ANKS6: variants seen among roughly 807,000 people sequenced by gnomAD.
ANKS6 encodes ankyrin repeat and SAM domain-containing protein 6.
A neutral mutation model predicts 77.9 loss-of-function variants in ANKS6; 47 were observed. The ratio of observed to expected loss-of-function variants is 0.60; its 90% CI spans 0.48 to 0.77. ANKS6 has a LOEUF of 0.77. Among genes scored for constraint, ANKS6 ranks in the 30% least tolerant of loss-of-function variants. ANKS6 has a pLI of 0.00. For missense variants in ANKS6, 1,150 were observed against 1,159.1 expected (o/e 0.99, Z 0.11); for synonymous variants, 488 against 501.7 (o/e 0.97, Z 0.37).
chr9:98,793,638 A>G (rs1835020863), intron 1 of ANKS6, among the ~76,000 whole-genome samples: 1 of 151,862 alleles, frequency 6.6e-6, no homozygotes, highest in East Asian at 2.0e-4. Flanking sequence ...CTCCTGCCTC[A>G]GCCTCCCGAG....
chr9:98,790,254 G>A lies in ANKS6; in HGVS notation c.712C>T (p.Leu238Phe). 1 of 1,605,672 alleles carries A rather than the reference G, an allele frequency of 6.2e-7. No homozygotes were observed. Among genetic ancestry groups the A allele is most frequent in the Non-Finnish European group, 8.5e-7 (1 of 1,174,334 alleles). ...TCCACCAGCTGCTGGGCCACTCCAA[G>A]CCGCCCAGTGAGTGCGGCCAGCATC... is the stretch of plus-strand genomic sequence containing the variant. ...PLMLAALTGR[L>F]GVAQQLVEKG... is the part of the protein sequence containing the mutation. The change falls in exon 2 of 15, where the codon CTT (leucine) becomes TTT (phenylalanine). Residue 238 changes from leucine to phenylalanine, a missense_variant. Coordinates refer to ENST00000353234, the MANE Select transcript of ANKS6 (RefSeq NM_173551.5).
At chr9:98,741,257 C>T (rs1384199871) in intron 14 of ANKS6, among the ~76,000 whole-genome samples, 1 of 152,110 alleles carries the variant, frequency 6.6e-6, no homozygotes, top group Non-Finnish European at 1.5e-5. Context: ...TTAAAGAAAG[C>T]AGGATATAAA....
chr9:98,768,683 T>C (rs1183076016), intron 10 of ANKS6, among the ~76,000 whole-genome samples: 1 of 152,160 alleles, frequency 6.6e-6, no homozygotes, highest in African/African-American at 2.4e-5. Flanking sequence ...TCCCTCACCC[T>C]TTGACTCTCC....
chr9:98,796,053 C>T (rs1835155842), intron 1 of ANKS6, 80 bp downstream of exon 1: 2 of 1,239,882 alleles, frequency 1.6e-6, no homozygotes, highest in African/African-American at 1.6e-5. Flanking sequence ...CCTCCCGGGG[C>T]ATCCGGCCGC....
chr9:98,760,568 C>A (rs1469296744), intron 11 of ANKS6, among the ~76,000 whole-genome samples: 1 of 152,204 alleles, frequency 6.6e-6, no homozygotes, highest in Non-Finnish European at 1.5e-5. Context: ...TGGATGAAGA[C>A]CAAATATACA....
intron 12 of ANKS6, among the ~76,000 whole-genome samples, chr9:98,754,841 C>T (rs1052566773): frequency 2.0e-5 from 3 of 152,134 alleles, no homozygotes; most frequent in Non-Finnish European, 4.4e-5. Context: ...CTCTGCAAAC[C>T]ATTTTTAATA....
chr9:98,771,796 C>T (rs1241380428), intron 9 of ANKS6, among the ~76,000 whole-genome samples: 4 of 152,160 alleles, frequency 2.6e-5, no homozygotes. Context: ...ATAATATGGG[C>T]TCTGGTCTAG....
intron 14 of ANKS6, among the ~76,000 whole-genome samples, chr9:98,744,385 T>C (rs1832007714): frequency 6.6e-6 from 1 of 152,110 alleles, no homozygotes; most frequent in South Asian, 2.1e-4. Flanking sequence ...CCAGGAGGCC[T>C]CGGTTTAGCG....
At chr9:98,776,964 T>C (rs1172388891) in intron 8 of ANKS6, among the ~76,000 whole-genome samples, 3 of 152,236 alleles carry the variant, frequency 2.0e-5, no homozygotes, top group East Asian at 1.9e-4. Flanking sequence ...ACACCATTGT[T>C]ACTTGGGGAT....
intron 14 of ANKS6, among the ~76,000 whole-genome samples, 155 bp downstream of exon 14, chr9:98,745,404 C>T (rs1030447063): frequency 2.0e-5 from 3 of 152,122 alleles, no homozygotes; most frequent in East Asian, 1.9e-4. Flanking sequence ...AGAAACCTTA[C>T]GGGGGAAGTC....
At chr9:98,752,493 T>A (rs1832485639) in intron 12 of ANKS6, among the ~76,000 whole-genome samples, 1 of 152,054 alleles carries the variant, frequency 6.6e-6, no homozygotes, top group East Asian at 1.9e-4. Flanking sequence ...CAATGGACAC[T>A]AGGTAGCAAG....
In ANKS6 at chr9:98,732,692, G is replaced by A; in HGVS notation, c.*3827C>T. 1 of 1,470,612 alleles carries A rather than the reference G, an allele frequency of 6.8e-7. No homozygotes were observed. Among genetic ancestry groups the A allele is most frequent in the Non-Finnish European group, 9.0e-7 (1 of 1,114,860 alleles). The allele number at this position is 1,470,612 out of a possible 1,614,324, so 91.1% of individuals were successfully genotyped here. ...CTTTCTCACTTTCACATGATCCCTG[G>A]GGGCTACTATCCCCCTGTAACCAAA... On this transcript the variant is annotated 3_prime_UTR_variant, in exon 15 of 15. Transcript: ENST00000353234.
chr9:98,751,235 TGGA>T, intron 12 of ANKS6, 139 bp from the exon 13 acceptor site: 1 of 721,354 alleles, frequency 1.4e-6, no homozygotes, highest in Non-Finnish European at 2.2e-6. Context: ...TGATCTCAGC[TGGA>T]CTCCTGCAGA....
chr9:98,735,039 G>A lies in ANKS6; in HGVS notation c.*1480C>T, dbSNP rs1315648693. Reference sequence around the variant, plus strand: ...GAATGGGCTTTCATGGCTGGGGGAGGGACAGATGAGAGATGGCACCTCCCA... The same window carrying A: ...GAATGGGCTTTCATGGCTGGGGGAGAGACAGATGAGAGATGGCACCTCCCA... On this transcript the variant is annotated 3_prime_UTR_variant, in exon 15 of 15. Coordinates refer to ENST00000353234, the MANE Select transcript of ANKS6 (RefSeq NM_173551.5). The A allele has an allele frequency of 3.0e-6, 3 of 985,272 alleles. No individual in the cohort carries two copies. The East Asian group carries it at 3.4e-4, about 112-fold the overall frequency. The allele number at this position is 985,272 out of a possible 1,614,324, so 61.0% of individuals were successfully genotyped here.
chr9:98,734,357 T>A lies in ANKS6; in HGVS notation c.*2162A>T. On this transcript the variant is annotated 3_prime_UTR_variant, in exon 15 of 15. Coordinates refer to ENST00000353234, the MANE Select transcript of ANKS6 (RefSeq NM_173551.5). ...GGTGACCCCCCGGTGCAGCTGTGTA[T>A]CATTGTTCAATCAAACTTACCTGAG... is the stretch of plus-strand genomic sequence containing the variant. 1.0e-6 allele frequency: 1 copy of A among 985,444 alleles called. No homozygotes were observed. The highest frequency in any genetic ancestry group is 1.2e-6 in the Non-Finnish European group (1 of 829,952). The allele number at this position is 985,444 out of a possible 1,614,324, so 61.0% of individuals were successfully genotyped here. A position where few individuals can be genotyped will look rare whatever the true frequency, so the allele number is the denominator to read the frequency against.
chr9:98,781,649 C>T (rs1042658904), intron 5 of ANKS6, among the ~76,000 whole-genome samples: 1 of 152,106 alleles, frequency 6.6e-6, no homozygotes, highest in Non-Finnish European at 1.5e-5. Flanking sequence ...CAGGGGCCTG[C>T]AGCAGGGAAG....
In ANKS6 at chr9:98,735,369, A is replaced by G. The variant is rs1177761134; in HGVS notation, c.*1150T>C. ...GCACCTGGTAGCTAACATAAATGCA[A>G]CAAGCACTGGCTGAATGAGTCATTC... On this transcript the variant is annotated 3_prime_UTR_variant, in exon 15 of 15. Coordinates refer to ENST00000353234, the MANE Select transcript of ANKS6 (RefSeq NM_173551.5). 1 of 1,074,580 alleles carries G rather than the reference A, an allele frequency of 9.3e-7. No homozygotes were observed. Among genetic ancestry groups the G allele is most frequent in the Non-Finnish European group, 1.1e-6 (1 of 889,340 alleles). 66.6% of individuals were successfully genotyped at this position (1,074,580 alleles called of 1,614,324 possible).
In ANKS6 at chr9:98,778,261, G is replaced by A. The variant is rs1472106946; in HGVS notation, c.1532C>T (p.Ala511Val). 1.2e-6 allele frequency: 2 copies of A among 1,614,244 alleles called. No homozygotes were observed. The highest frequency in any genetic ancestry group is 1.7e-5 in the Admixed American group (1 of 60,028). Residue 511 changes from alanine (A) to valine (V), a missense_variant, in exon 7 of 15, where the codon GCA (alanine) becomes GTA (valine). Physicochemically the swap from Ala to Val is moderately conservative, Grantham distance 64. Coordinates refer to ENST00000353234, the MANE Select transcript of ANKS6 (RefSeq NM_173551.5). Reference sequence around the variant, plus strand: ...GGTCACAGGGGCCGCATCAGGGAGTGCAGAGCGGCTTGTCTTGTCCTGGGG... The same window carrying A: ...GGTCACAGGGGCCGCATCAGGGAGTACAGAGCGGCTTGTCTTGTCCTGGGG... ...AAPQDKTSRS[A>V]LPDAAPVTKD...
intron 9 of ANKS6, among the ~76,000 whole-genome samples, chr9:98,771,269 C>T (rs571678624): frequency 2.6e-5 from 4 of 152,348 alleles, no homozygotes; most frequent in East Asian, 3.9e-4. Flanking sequence ...CATGTCACAT[C>T]ATTTCCCATG....
Sources: allele counts gnomAD v4.1 joint callset (sites outside exome capture counted in the v4.1 genomes callset), GRCh38; gene constraint gnomAD v4.1.1; transcripts MANE v1.5; gene names NCBI Gene and HGNC (gene_info 2026-07-23, HGNC 2026-07-21).